CACNA1C: variants seen among roughly 807,000 people sequenced by gnomAD.
CACNA1C encodes calcium voltage-gated channel subunit alpha1 C, also known as voltage-dependent L-type calcium channel subunit alpha-1C.
A neutral mutation model predicts 229.0 loss-of-function variants in CACNA1C; 30 were observed. The observed-to-expected ratio is 0.13, with a 90% CI of 0.10 to 0.18. The LOEUF is 0.18. CACNA1C is among the 10% of genes least tolerant of loss of function. The pLI is 1.00. For synonymous variants in CACNA1C, 1,114 were observed against 1,132.5 expected, an observed-to-expected ratio of 0.98 and a Z score of 0.33; for missense variants, 1,658 against 2,845.0, an observed-to-expected ratio of 0.58 and a Z score of 9.49.
At chr12:2,437,212 G>A (rs1045647999) in intron 3 of CACNA1C, among the ~76,000 whole-genome samples, 3 of 152,254 alleles carry the variant, frequency 2.0e-5, no homozygotes, top group African/African-American at 7.2e-5. Context: ...ATAAGGTGGT[G>A]ACCAGGTCTG....
At chr12:2,682,851 A>C (rs2153819018) in intron 43 of CACNA1C, among the ~76,000 whole-genome samples, 173 bp downstream of exon 43, 1 of 35,980 alleles carries the variant, frequency 2.8e-5, no homozygotes, top group Non-Finnish European at 6.2e-5. Flanking sequence ...GAGCCCCCCA[A>C]CACACAACAC....
intron 3 of CACNA1C, among the ~76,000 whole-genome samples, chr12:2,424,832 G>T (rs1007671257): frequency 6.6e-6 from 1 of 152,248 alleles, no homozygotes; most frequent in Non-Finnish European, 1.5e-5. Flanking sequence ...CATGGGCGCT[G>T]ATAAGGGCCA....
In CACNA1C at chr12:2,201,532, T is replaced by A. The variant is rs2154319679; in HGVS notation, c.477+81102T>A. On this transcript the variant is annotated intron_variant, in intron 3 of 46. Coordinates refer to ENST00000399655, the MANE Select transcript of CACNA1C (RefSeq NM_000719.7). ...AACAGAAGACTGGAAATGTCTTCCC[T>A]TAGGTCTTTGCTGCCAATCTGGGAA... Among the ~76,000 whole-genome samples the A allele has an allele frequency of 1.3e-5, 2 of 152,370 alleles. 1 individual carries two copies. The highest frequency in any genetic ancestry group is 4.1e-4 in the South Asian group (2 of 4,830).
intron 30 of CACNA1C, among the ~76,000 whole-genome samples, chr12:2,642,498 C>A (rs2093830605): frequency 6.6e-6 from 1 of 152,218 alleles, no homozygotes; most frequent in Non-Finnish European, 1.5e-5. Context: ...ATGCCATGAG[C>A]TGGTAGTGAG....
In CACNA1C at chr12:2,607,094, C is replaced by T; in HGVS notation, c.3320C>T (p.Ala1107Val). The change falls in exon 26 of 47, where the codon GCC (alanine) becomes GTC (valine). Residue 1107 changes from alanine to valine, a missense_variant. By Grantham distance (64) the Ala-to-Val change is moderately conservative. Transcript: ENST00000399655. ...DFDNVLAAMM[A>V]LFTVSTFEGW... is the part of the protein sequence containing the mutation. ...GACAATGTTCTGGCAGCCATGATGG[C>T]CCTCTTCACCGTCTCCACCTTCGAA... is the stretch of plus-strand genomic sequence containing the variant. 6.2e-7 allele frequency: 1 copy of T among 1,613,816 alleles called. No individual in the cohort carries two copies. The highest frequency in any genetic ancestry group is 1.1e-5 in the South Asian group (1 of 91,002).
intron 19 of CACNA1C, among the ~76,000 whole-genome samples, chr12:2,594,234 T>A (rs1394525290): frequency 2.0e-5 from 3 of 152,236 alleles, no homozygotes. Flanking sequence ...GTATTTAGAT[T>A]TTTATTCAGT....
rs376799862 is a variant in CACNA1C at position 2,512,554 on chromosome 12, A to G, written c.1218-258A>G. ...GAAAAGAGGGAGATGGACTTCATCCATCCCCTTAAGCCTCTCCTGGCCAGT... is the reference window on the plus strand; with the variant it reads ...GAAAAGAGGGAGATGGACTTCATCCGTCCCCTTAAGCCTCTCCTGGCCAGT... On this transcript the variant is annotated intron_variant, in intron 8 of 46. Coordinates refer to ENST00000399655, the MANE Select transcript of CACNA1C (RefSeq NM_000719.7). The surrounding 1 kb of genome is among the most constrained non-coding windows in gnomAD (Gnocchi z 4.3). Among the ~76,000 whole-genome samples the G allele has an allele frequency of 2.1e-3, 318 of 152,236 alleles. 1 individual carries two copies. Among genetic ancestry groups the G allele is most frequent in the African/African-American group, 7.3e-3 (305 of 41,524 alleles).
At position 2,649,163 on chromosome 12, in the gene CACNA1C, A is replaced by C. The variant is rs1275086861; in HGVS notation, c.3945+656A>C. Among the ~76,000 whole-genome samples the C allele has an allele frequency of 6.6e-6, 1 of 152,224 alleles. No individual in the cohort carries two copies. Among genetic ancestry groups the C allele is most frequent in the Non-Finnish European group, 1.5e-5 (1 of 68,032 alleles). ...CGCAGCAAGCTGGAAGCAGAAAAACAAGCTCCGTTGATTGGACCACTCCTG... is the reference window on the plus strand; with the variant it reads ...CGCAGCAAGCTGGAAGCAGAAAAACCAGCTCCGTTGATTGGACCACTCCTG... On this transcript the variant is annotated intron_variant, in intron 31 of 46. Transcript: ENST00000399655. This position sits in a 1 kb window ranked among gnomAD's most constrained non-coding sequence, Gnocchi z 4.4.
intron 1 of CACNA1C, chr12:1,991,336 CATAAA>C (rs1217649021): frequency 7.8e-5 from 33 of 424,450 alleles, no homozygotes; most frequent in African/African-American, 4.5e-4. Context: ...AATACGGAAA[CATAAA>C]ATAAAATATG....
intron 3 of CACNA1C, among the ~76,000 whole-genome samples, chr12:2,257,541 C>A (rs117888112): frequency 0.026 from 4,026 of 152,330 alleles, 80 homozygotes; most frequent in South Asian, 0.045. Context: ...AATGCTGCTG[C>A]TGATCTGACA....
chr12:2,591,012 T>TC (rs940092103), intron 18 of CACNA1C, among the ~76,000 whole-genome samples: 7 of 152,316 alleles, frequency 4.6e-5, no homozygotes, highest in South Asian at 4.1e-4. Context: ...TCACAAGAAC[T>TC]CCAACTCTTG....
intron 3 of CACNA1C, among the ~76,000 whole-genome samples, chr12:2,306,625 A>G (rs2095046633): frequency 6.6e-6 from 1 of 152,234 alleles, no homozygotes; most frequent in South Asian, 2.1e-4. Flanking sequence ...CAAGCACTTC[A>G]GAAACTAATA....
chr12:2,399,355 C>T (rs182829737), intron 3 of CACNA1C, among the ~76,000 whole-genome samples: 37 of 152,268 alleles, frequency 2.4e-4, no homozygotes, highest in African/African-American at 7.2e-4. Flanking sequence ...GGTTCTTGTC[C>T]GGGATCTAGG....
At position 2,181,100 on chromosome 12, in the gene CACNA1C, C is replaced by T. The variant is rs963473547; in HGVS notation, c.477+60670C>T. Among the ~76,000 whole-genome samples, 1 of 152,164 alleles carries T rather than the reference C, an allele frequency of 6.6e-6. No homozygotes were observed. The highest frequency in any genetic ancestry group is 2.4e-5 in the African/African-American group (1 of 41,432). On this transcript the variant is annotated intron_variant, in intron 3 of 46. Transcript: ENST00000399655. This position sits in a 1 kb window ranked among gnomAD's most constrained non-coding sequence, Gnocchi z 4.0. Reference sequence around the variant, plus strand: ...TCAAATGTTTTCTTCTGGGGGGTTACAGTCTGGGGAAGACCCCTGTGTAAA... The same window carrying T: ...TCAAATGTTTTCTTCTGGGGGGTTATAGTCTGGGGAAGACCCCTGTGTAAA...
intron 13 of CACNA1C, among the ~76,000 whole-genome samples, chr12:2,580,202 C>T (rs1442015680): frequency 6.6e-6 from 1 of 152,212 alleles, no homozygotes; most frequent in Non-Finnish European, 1.5e-5. Flanking sequence ...TAATATTCTG[C>T]AACAGAGGGG....
intron 3 of CACNA1C, among the ~76,000 whole-genome samples, chr12:2,376,097 T>A (rs2098052745): frequency 6.6e-6 from 1 of 152,086 alleles, no homozygotes; most frequent in South Asian, 2.1e-4. Context: ...AAACATTGAG[T>A]GAAATGACAT....
chr12:2,269,872 G>C (rs1456205474), intron 3 of CACNA1C: 1 of 152,254 alleles, frequency 6.6e-6, no homozygotes, highest in Non-Finnish European at 1.5e-5. Flanking sequence ...GCTGTAGCTG[G>C]GAGGAGGACC....
intron 1 of CACNA1C, among the ~76,000 whole-genome samples, chr12:1,980,079 C>G (rs982795282): frequency 6.6e-6 from 1 of 152,108 alleles, no homozygotes; most frequent in Non-Finnish European, 1.5e-5. Context: ...CTAAACAAAC[C>G]CATACACTAT....
At chr12:2,101,011 A>AG (rs1555172183) in intron 1 of CACNA1C, among the ~76,000 whole-genome samples, 7 of 152,066 alleles carry the variant, frequency 4.6e-5, no homozygotes, top group Middle Eastern at 3.4e-3. Flanking sequence ...CAAAAAAAAA[A>AG]AAAAAAGAAA....
Sources: gnomAD v4.1 joint callset for allele counts (sites outside exome capture counted in the v4.1 genomes callset) on GRCh38, gnomAD v4.1.1 for gene constraint, Gnocchi (gnomAD v3.1) non-coding constraint, MANE v1.5 for transcripts, NCBI Gene and HGNC (gene_info 2026-07-23, HGNC 2026-07-21) for gene names.